DLGAP2: variants seen among roughly 807,000 people sequenced by gnomAD.
DLGAP2 encodes disks large-associated protein 2.
Under a neutral mutation model 100.3 loss-of-function variants are expected in DLGAP2, and 26 were observed. The observed-to-expected ratio is 0.26, with a 90% CI of 0.19 to 0.36. DLGAP2 has a LOEUF of 0.36. Among genes scored for constraint, DLGAP2 ranks in the 10% least tolerant of loss-of-function variants. The probability of loss-of-function intolerance (pLI) is 1.00; values close to 1 mark genes in which losing one functional copy is unlikely to be tolerated. For synonymous variants in DLGAP2, 886 were observed against 630.1 expected, an observed-to-expected ratio of 1.41 and a Z score of -6.08; for missense variants, 1,858 against 1,453.2, an observed-to-expected ratio of 1.28 and a Z score of -4.53.
At chr8:829,806 TATA>T (rs1452426503) in intron 1 of DLGAP2, among the ~76,000 whole-genome samples, 8 of 152,340 alleles carry the variant, frequency 5.3e-5, no homozygotes, top group South Asian at 2.1e-4. Flanking sequence ...TTGTGCCTAT[TATA>T]ATAACTGCAG....
chr8:1,146,600 CAT>C (rs1428510576), intron 2 of DLGAP2, among the ~76,000 whole-genome samples: 3 of 151,938 alleles, frequency 2.0e-5, no homozygotes, highest in African/African-American at 4.8e-5. Context: ...TGCACCTGCG[CAT>C]GTGTGTGCAT....
intron 2 of DLGAP2, among the ~76,000 whole-genome samples, chr8:1,192,413 A>G (rs947605040): frequency 1.3e-5 from 2 of 152,188 alleles, no homozygotes; most frequent in Non-Finnish European, 2.9e-5. Flanking sequence ...TTTTGCGGTG[A>G]GAACAATGAA....
At chr8:1,588,738 TAAAAAAAA>T (rs11358700) in intron 6 of DLGAP2, among the ~76,000 whole-genome samples, 2 of 91,474 alleles carry the variant, frequency 2.2e-5, no homozygotes, top group Non-Finnish European at 4.0e-5. Context: ...CTGTCTTTAC[TAAAAAAAA>T]AAAAAAAAAA....
intron 2 of DLGAP2, among the ~76,000 whole-genome samples, chr8:1,256,947 C>T (rs1799236027): frequency 6.6e-6 from 1 of 152,040 alleles, no homozygotes; most frequent in Non-Finnish European, 1.5e-5. Flanking sequence ...ATGGCCTGCC[C>T]CATTCCTTTC....
intron 2 of DLGAP2, among the ~76,000 whole-genome samples, chr8:1,191,885 T>G (rs1797647783): frequency 6.6e-6 from 1 of 152,218 alleles, no homozygotes; most frequent in South Asian, 2.1e-4. Flanking sequence ...TTATTCTTGG[T>G]GCAGTTGGCC....
Position 1,476,173 on chromosome 8 carries a change from T to C in DLGAP2, c.107-25193T>C, listed in dbSNP as rs184833268. 6.6e-5 allele frequency among the ~76,000 whole-genome samples: 10 copies of C among 152,336 alleles called. No homozygotes were observed. In the East Asian group the frequency reaches 1.9e-3, roughly 29 times the overall value. On this transcript the variant is annotated intron_variant, in intron 3 of 14. Transcript: ENST00000637795. ...CCTGCTTTGACTCCCACCGACTTCA[T>C]GAGCAAAGGTGCTTTCATGGATGCG...
intron 3 of DLGAP2, among the ~76,000 whole-genome samples, chr8:1,469,575 AG>A (rs1472412763): frequency 6.6e-6 from 1 of 152,202 alleles, no homozygotes; most frequent in Non-Finnish European, 1.5e-5. Flanking sequence ...CTTCCTCAGA[AG>A]AACCTCCCAC....
At position 1,171,512 on chromosome 8, in the gene DLGAP2, G is replaced by T. The variant is rs187080656; in HGVS notation, c.74-87339G>T. 5.9e-5 allele frequency among the ~76,000 whole-genome samples: 9 copies of T among 151,922 alleles called. No homozygotes were observed. In the East Asian group the frequency reaches 1.5e-3, roughly 26 times the overall value. ...AAAGTCTCCCATTATTAATGTGTGG[G>T]AGTCTAAGTCTCTTTGTAGGTCACT... On this transcript the variant is annotated intron_variant, in intron 2 of 14. Coordinates refer to ENST00000637795, the MANE Select transcript of DLGAP2 (RefSeq NM_001346810.2).
Position 1,097,691 on chromosome 8 carries a change from G to A in DLGAP2, c.74-161160G>A, listed in dbSNP as rs560728696. 4.1e-4 allele frequency among the ~76,000 whole-genome samples: 54 copies of A among 132,096 alleles called. No homozygotes were observed. The Middle Eastern group carries it at 0.016, about 39-fold the overall frequency. 86.7% of individuals were successfully genotyped at this position (132,096 alleles called of 152,430 possible). A position where few individuals can be genotyped will look rare whatever the true frequency, so the allele number is the denominator to read the frequency against. Reference sequence around the variant, plus strand: ...CCTTCACCCTCTGTGGCATGGAGAGGTCTCCTCCAGTGTGAGACCCAGCTC... The same window carrying A: ...CCTTCACCCTCTGTGGCATGGAGAGATCTCCTCCAGTGTGAGACCCAGCTC... On this transcript the variant is annotated intron_variant, in intron 2 of 14. Coordinates refer to ENST00000637795, the MANE Select transcript of DLGAP2 (RefSeq NM_001346810.2).
At chr8:1,188,382 A>G (rs1308429954) in intron 2 of DLGAP2, among the ~76,000 whole-genome samples, 60 of 122,446 alleles carry the variant, frequency 4.9e-4, no homozygotes, top group Non-Finnish European at 6.2e-4. Context: ...ACGGAATCTC[A>G]CACACCCGGG....
At position 1,464,306 on chromosome 8, in the gene DLGAP2, C is replaced by T. The variant is rs1411061473; in HGVS notation, c.107-37060C>T. 5.4e-4 allele frequency among the ~76,000 whole-genome samples: 43 copies of T among 80,040 alleles called. 6 individuals carry two copies. The highest frequency in any genetic ancestry group is 6.3e-3 in the Middle Eastern group (1 of 158). 52.5% of individuals were successfully genotyped at this position (80,040 alleles called of 152,430 possible). ...GACAACGCCCTTCCAGGATGGCACC[C>T]TTCCAGGACAACGCCCTTCCAGGAC... On this transcript the variant is annotated intron_variant, in intron 3 of 14. Coordinates refer to ENST00000637795, the MANE Select transcript of DLGAP2 (RefSeq NM_001346810.2).
intron 2 of DLGAP2, among the ~76,000 whole-genome samples, chr8:1,195,797 C>T (rs977157523): frequency 1.3e-5 from 2 of 152,162 alleles, no homozygotes; most frequent in Admixed American, 6.5e-5. Context: ...TGGCGCGTTC[C>T]CCGGAGTGCG....
At chr8:1,210,105 G>C (rs1011888164) in intron 2 of DLGAP2, among the ~76,000 whole-genome samples, 4 of 152,192 alleles carry the variant, frequency 2.6e-5, no homozygotes, top group Non-Finnish European at 2.9e-5. Context: ...TAGGGTGGGT[G>C]CTGGGCCTTG....
At chr8:1,597,019 T>C (rs1036651387) in intron 6 of DLGAP2, among the ~76,000 whole-genome samples, 1 of 152,254 alleles carries the variant, frequency 6.6e-6, no homozygotes, top group African/African-American at 2.4e-5. Flanking sequence ...AAGTCTTTTA[T>C]CCATCTTGAG....
At chr8:812,536 G>A (rs865991967) in intron 1 of DLGAP2, among the ~76,000 whole-genome samples, 1 of 152,210 alleles carries the variant, frequency 6.6e-6, no homozygotes, top group Non-Finnish European at 1.5e-5. Context: ...TTGTGGCAAA[G>A]ACAGTGTCAT....
chr8:800,738 GTA>G, intron 1 of DLGAP2, among the ~76,000 whole-genome samples: 1 of 152,312 alleles, frequency 6.6e-6, no homozygotes, highest in Non-Finnish European at 1.5e-5. Context: ...GTGTGTATGT[GTA>G]TGTGCATGTG....
At chr8:1,660,180 T>C (rs957902209) in intron 8 of DLGAP2, among the ~76,000 whole-genome samples, 1 of 152,214 alleles carries the variant, frequency 6.6e-6, no homozygotes. Flanking sequence ...CCCACTCTCT[T>C]CTGGCTTGTA....
intron 2 of DLGAP2, among the ~76,000 whole-genome samples, chr8:1,065,386 G>C (rs1414449951): frequency 6.6e-6 from 1 of 152,220 alleles, no homozygotes; most frequent in Admixed American, 6.5e-5. Flanking sequence ...ATTGTGAAAT[G>C]ACTTTCCTGA....
intron 2 of DLGAP2, among the ~76,000 whole-genome samples, chr8:1,200,904 A>T (rs1461449250): frequency 1.3e-5 from 2 of 152,130 alleles, no homozygotes; most frequent in East Asian, 3.9e-4. Flanking sequence ...CGGTTTCTCC[A>T]CGCCGCCTCC....
Sources: allele counts gnomAD v4.1 joint callset (sites outside exome capture counted in the v4.1 genomes callset), GRCh38; gene constraint gnomAD v4.1.1; transcripts MANE v1.5; gene names NCBI Gene and HGNC (gene_info 2026-07-23, HGNC 2026-07-21).